CARMIL1: variants seen among roughly 807,000 people sequenced by gnomAD.
CARMIL1 encodes capping protein regulator and myosin 1 linker 1, also known as F-actin-uncapping protein LRRC16A.
Under a neutral mutation model 177.1 loss-of-function variants are expected in CARMIL1, and 90 were observed. The observed-to-expected ratio is 0.51, with a 90% CI of 0.43 to 0.61. The LOEUF (loss-of-function observed/expected upper bound fraction) is 0.61, where lower values mean the gene tolerates loss of function less well. Ranked by LOEUF, CARMIL1 falls within the 20% of genes least tolerant of loss-of-function variation. CARMIL1 has a pLI of 0.00. For synonymous variants in CARMIL1, 577 were observed against 606.2 expected (o/e 0.95, Z 0.71); for missense variants, 1,380 against 1,667.0 (o/e 0.83, Z 3.00).
At chr6:25,315,499 G>T (rs560008267) in intron 2 of CARMIL1, among the ~76,000 whole-genome samples, 1 of 152,284 alleles carries the variant, frequency 6.6e-6, no homozygotes, top group East Asian at 1.9e-4. Context: ...ACTGGGGCCC[G>T]AGCAGGGCAC....
intron 2 of CARMIL1, among the ~76,000 whole-genome samples, chr6:25,308,725 A>T (rs1357140976): frequency 1.3e-5 from 2 of 151,384 alleles, no homozygotes; most frequent in Admixed American, 6.6e-5. Flanking sequence ...TATTTTTCTT[A>T]CTTTAAAAAA....
At chr6:25,447,936 T>G (rs1284575414) in intron 5 of CARMIL1, among the ~76,000 whole-genome samples, 8 of 152,088 alleles carry the variant, frequency 5.3e-5, no homozygotes, top group Non-Finnish European at 1.0e-4. Context: ...ACACTGTTTT[T>G]CTGACACACC....
chr6:25,307,181 G>A (rs1377500859), intron 2 of CARMIL1, among the ~76,000 whole-genome samples: 3 of 152,106 alleles, frequency 2.0e-5, no homozygotes, highest in Non-Finnish European at 4.4e-5. Context: ...GCGCCCGGTC[G>A]CCCTGGTCCT....
chr6:25,463,772 A>G (rs1343345131), intron 8 of CARMIL1, among the ~76,000 whole-genome samples: 1 of 151,656 alleles, frequency 6.6e-6, no homozygotes, highest in Non-Finnish European at 1.5e-5. Flanking sequence ...ATGGAGGGGG[A>G]CGAAGAGAGG....
intron 5 of CARMIL1, among the ~76,000 whole-genome samples, chr6:25,442,806 G>T (rs563305284): frequency 1.4e-4 from 21 of 152,250 alleles, no homozygotes; most frequent in African/African-American, 3.6e-4. Flanking sequence ...AGGTTGGTTC[G>T]CACAGATGTC....
At chr6:25,518,339 A>T (rs214735) in intron 22 of CARMIL1, among the ~76,000 whole-genome samples, 65,781 of 151,952 alleles carry the variant, frequency 0.43, 14,640 homozygotes, top group Middle Eastern at 0.52. Flanking sequence ...CTCTGATTAA[A>T]TCTTTTTTCA....
chr6:25,304,350 A>T (rs1022191995), intron 2 of CARMIL1, among the ~76,000 whole-genome samples: 3 of 152,168 alleles, frequency 2.0e-5, no homozygotes, highest in Non-Finnish European at 4.4e-5. Context: ...TGCCCTCTTA[A>T]CTAGGATGTC....
chr6:25,363,660 G>A (rs572523088), intron 2 of CARMIL1, among the ~76,000 whole-genome samples: 1 of 152,150 alleles, frequency 6.6e-6, no homozygotes, highest in African/African-American at 2.4e-5. Flanking sequence ...TTAGGTGAGA[G>A]GATAACTTGA....
chr6:25,571,831 G>T (rs1812091107), intron 29 of CARMIL1, among the ~76,000 whole-genome samples: 2 of 152,148 alleles, frequency 1.3e-5, no homozygotes, highest in Non-Finnish European at 2.9e-5. Context: ...GAAACAATCG[G>T]CCTGGATTTA....
chr6:25,339,908 G>A lies in CARMIL1; in HGVS notation c.138+54999G>A, dbSNP rs1316966056. ...TCATTTTCTGGCACATACTCAGTAC[G>A]TGGTGGAGGTTATGGTGATTTTATT... On this transcript the variant is annotated intron_variant, in intron 2 of 36. Coordinates refer to ENST00000329474, the MANE Select transcript of CARMIL1 (RefSeq NM_017640.6). Among the ~76,000 whole-genome samples, 6 of 152,178 alleles carry A rather than the reference G, an allele frequency of 3.9e-5. No homozygotes were observed. In the East Asian group the frequency reaches 7.7e-4, roughly 20 times the overall value.
Position 25,515,654 on chromosome 6 carries a change from C to A in CARMIL1, c.1633-21C>A. On this transcript the variant is annotated intron_variant, in intron 20 of 36. Transcript: ENST00000329474. This position sits in a 1 kb window ranked among gnomAD's most constrained non-coding sequence, Gnocchi z 5.0. The stretch of plus-strand genomic sequence containing the variant: ...CTGCTTTGATGAGACTGCTGAGTGC[C>A]GTGTGTCATTTGCTCCGCAGCCTCT... 2 of 1,581,956 alleles carry A rather than the reference C, an allele frequency of 1.3e-6. No individual in the cohort carries two copies. The highest frequency in any genetic ancestry group is 1.2e-5 in the South Asian group (1 of 85,916).
rs531937163 is a variant in CARMIL1, at chr6:25,290,204, T to C, written c.138+5295T>C. 5.9e-5 allele frequency among the ~76,000 whole-genome samples: 9 copies of C among 152,134 alleles called. No homozygotes were observed. The East Asian group carries it at 1.7e-3, about 29-fold the overall frequency. ...TCAATCTCCCAGGCTTAAGTGATCC[T>C]CCCACCTCAGCCTCCCAAGTAGCTG... On this transcript the variant is annotated intron_variant, in intron 2 of 36. Coordinates refer to ENST00000329474, the MANE Select transcript of CARMIL1 (RefSeq NM_017640.6).
At chr6:25,325,480 T>C (rs1005632154) in intron 2 of CARMIL1, among the ~76,000 whole-genome samples, 9 of 152,234 alleles carry the variant, frequency 5.9e-5, no homozygotes, top group African/African-American at 2.2e-4. Context: ...GTAGCATTTT[T>C]TCCCCTACAG....
At chr6:25,320,629 C>T (rs553134312) in intron 2 of CARMIL1, among the ~76,000 whole-genome samples, 2 of 152,242 alleles carry the variant, frequency 1.3e-5, no homozygotes, top group East Asian at 1.9e-4. Flanking sequence ...GTGACCTCTT[C>T]CTGCAGGCTG....
At chr6:25,333,537 G>T (rs139007772) in intron 2 of CARMIL1, among the ~76,000 whole-genome samples, 3 of 152,338 alleles carry the variant, frequency 2.0e-5, no homozygotes. Flanking sequence ...CTGCGCTCCA[G>T]CCTGAGTGAC....
At chr6:25,436,438 C>T (rs1295799291) in intron 5 of CARMIL1, among the ~76,000 whole-genome samples, 4 of 152,284 alleles carry the variant, frequency 2.6e-5, no homozygotes, top group Non-Finnish European at 4.4e-5. Flanking sequence ...GTGTTCCTTG[C>T]GTGGTGGAGG....
At chr6:25,569,076 A>G (rs1279626851) in intron 29 of CARMIL1, among the ~76,000 whole-genome samples, 1 of 152,264 alleles carries the variant, frequency 6.6e-6, no homozygotes, top group Non-Finnish European at 1.5e-5. Context: ...AAAGATTAAA[A>G]GCAGCAAATA....
chr6:25,404,186 AGGAGCCACATAGAAG>A (rs1794146843), intron 2 of CARMIL1, among the ~76,000 whole-genome samples: 1 of 152,180 alleles, frequency 6.6e-6, no homozygotes, highest in Non-Finnish European at 1.5e-5. Context: ...CCTGCACTTG[AGGAGCCACATAGAAG>A]GGAGTTTGAA....
chr6:25,443,087 G>T (rs1166431532), intron 5 of CARMIL1, among the ~76,000 whole-genome samples: 1 of 152,168 alleles, frequency 6.6e-6, no homozygotes, highest in East Asian at 1.9e-4. Context: ...CAGTTTTATG[G>T]AAACAAAGCA....
Sources: allele counts gnomAD v4.1 joint callset (sites outside exome capture counted in the v4.1 genomes callset), GRCh38; gene constraint gnomAD v4.1.1; non-coding constraint Gnocchi (gnomAD v3.1); transcripts MANE v1.5; gene names NCBI Gene and HGNC (gene_info 2026-07-23, HGNC 2026-07-21).